The following CCSER1 variants were observed in gnomAD, a reference collection of about 807,000 sequenced individuals.
CCSER1 encodes the protein serine-rich coiled-coil domain-containing protein 1.
Under a neutral mutation model 82.0 loss-of-function variants are expected in CCSER1, and 41 were observed. The observed-to-expected ratio is 0.50, with a 90% CI of 0.39 to 0.65. CCSER1 has a LOEUF of 0.65. CCSER1 is among the 30% of genes least tolerant of loss of function. The pLI, the probability that CCSER1 is intolerant of heterozygous loss-of-function variation, is 0.00. For synonymous variants in CCSER1, 414 were observed against 383.9 expected, an observed-to-expected ratio of 1.08 and a Z score of -0.92; for missense variants, 1,119 against 1,064.2, an observed-to-expected ratio of 1.05 and a Z score of -0.72.
At chr4:91,435,598 G>A (rs1240427295) in intron 10 of CCSER1, among the ~76,000 whole-genome samples, 1 of 152,130 alleles carries the variant, frequency 6.6e-6, no homozygotes, top group African/African-American at 2.4e-5. Flanking sequence ...GCTTCTTAAA[G>A]CATGTGTAGT....
At chr4:90,284,663 T>C (rs1280648574) in intron 1 of CCSER1, among the ~76,000 whole-genome samples, 1 of 150,718 alleles carries the variant, frequency 6.6e-6, no homozygotes, top group African/African-American at 2.4e-5. Context: ...CTGCCTAATT[T>C]TTGTATTTTT....
At chr4:90,568,362 A>G (rs918951515) in intron 5 of CCSER1, among the ~76,000 whole-genome samples, 7 of 152,184 alleles carry the variant, frequency 4.6e-5, no homozygotes, top group Non-Finnish European at 1.0e-4. Flanking sequence ...GGGTGCATAT[A>G]TATAATTCTT....
At chr4:90,537,239 A>G (rs1229821280) in intron 5 of CCSER1, among the ~76,000 whole-genome samples, 1 of 152,142 alleles carries the variant, frequency 6.6e-6, no homozygotes. Flanking sequence ...CATCAAGTTA[A>G]TATTTTATAA....
At chr4:91,413,218 A>T (rs1753167887) in intron 10 of CCSER1, among the ~76,000 whole-genome samples, 1 of 152,094 alleles carries the variant, frequency 6.6e-6, no homozygotes, top group Non-Finnish European at 1.5e-5. Flanking sequence ...ATAGGCATGA[A>T]GATAGCTTAA....
At chr4:90,822,667 G>T (rs1273397734) in intron 8 of CCSER1, among the ~76,000 whole-genome samples, 1 of 146,846 alleles carries the variant, frequency 6.8e-6, no homozygotes, top group African/African-American at 2.5e-5. Flanking sequence ...GGCGGAGGCT[G>T]CAGTGAGCTG....
At chr4:90,273,439 A>G (rs1296426055) in intron 1 of CCSER1, among the ~76,000 whole-genome samples, 1 of 152,172 alleles carries the variant, frequency 6.6e-6, no homozygotes, top group Non-Finnish European at 1.5e-5. Context: ...ATTATTATAC[A>G]TTGTATGCCT....
Position 91,532,871 on chromosome 4 carries a change from T to TAA in CCSER1, c.2218-65688_2218-65687dup, listed in dbSNP as rs200914112. Among the ~76,000 whole-genome samples the TAA allele has an allele frequency of 1.8e-3, 246 of 138,174 alleles. 3 individuals carry two copies. The highest frequency in any genetic ancestry group is 6.1e-3 in the African/African-American group (229 of 37,850). 90.6% of individuals were successfully genotyped at this position (138,174 alleles called of 152,430 possible). ...GATGACAGAATGAAACCCTGTCTCA[T>TAA]AAAAAAAAAAAAAAGTTATGCTTTC... is the stretch of plus-strand genomic sequence containing the variant. On this transcript the variant is annotated intron_variant, in intron 10 of 10. Transcript: ENST00000509176.
At chr4:90,862,945 T>TATC (rs1765279197) in intron 8 of CCSER1, among the ~76,000 whole-genome samples, 2 of 150,316 alleles carry the variant, frequency 1.3e-5, no homozygotes, top group Non-Finnish European at 3.0e-5. Flanking sequence ...TTCTTTTTAT[T>TATC]ATTATTATTA....
chr4:91,450,108 G>C (rs911911132), intron 10 of CCSER1, among the ~76,000 whole-genome samples: 1 of 49,678 alleles, frequency 2.0e-5, no homozygotes, highest in African/African-American at 1.1e-4. Flanking sequence ...CCTCACAATG[G>C]CTGGAGATTT....
chr4:90,505,682 T>C (rs79156752), intron 5 of CCSER1, among the ~76,000 whole-genome samples: 1,781 of 152,318 alleles, frequency 0.012, 13 homozygotes, highest in South Asian at 0.022. Context: ...CAGAGTAACT[T>C]CTGGATGTTG....
chr4:91,180,690 A>C (rs1161266732), intron 10 of CCSER1, among the ~76,000 whole-genome samples: 1 of 152,080 alleles, frequency 6.6e-6, no homozygotes, highest in Non-Finnish European at 1.5e-5. Flanking sequence ...GTGTGCTGAG[A>C]GGAGCTCAGT....
At chr4:90,826,485 A>T (rs1760469274) in intron 8 of CCSER1, among the ~76,000 whole-genome samples, 1 of 152,206 alleles carries the variant, frequency 6.6e-6, no homozygotes, top group African/African-American at 2.4e-5. Context: ...CATAATTTTA[A>T]TAACAACAGC....
intron 10 of CCSER1, among the ~76,000 whole-genome samples, chr4:91,106,968 G>C (rs1725678044): frequency 6.6e-6 from 1 of 152,104 alleles, no homozygotes; most frequent in South Asian, 2.1e-4. Context: ...AGATGACAGT[G>C]GTTTCATAAG....
intron 10 of CCSER1, among the ~76,000 whole-genome samples, chr4:91,428,018 T>A (rs180796537): frequency 2.6e-5 from 4 of 152,064 alleles, no homozygotes; most frequent in African/African-American, 9.7e-5. Context: ...GATTCTACAC[T>A]CATTTTCAAT....
At chr4:91,549,835 A>AC in intron 10 of CCSER1, among the ~76,000 whole-genome samples, 1 of 132,810 alleles carries the variant, frequency 7.5e-6, no homozygotes, top group South Asian at 2.3e-4. Flanking sequence ...ACCCTGTCTC[A>AC]AAAAAATAAA....
intron 10 of CCSER1, among the ~76,000 whole-genome samples, chr4:91,255,518 A>G (rs967399129): frequency 2.0e-5 from 3 of 152,190 alleles, no homozygotes; most frequent in African/African-American, 7.2e-5. Flanking sequence ...ACAAAAACTG[A>G]GTTCATGAGA....
chr4:91,043,495 G>T (rs925451115), intron 9 of CCSER1, among the ~76,000 whole-genome samples: 1 of 150,888 alleles, frequency 6.6e-6, no homozygotes, highest in African/African-American at 2.4e-5. Context: ...TTTTAAATTT[G>T]CAGAAAGTAA....
chr4:91,448,805 A>G (rs1755714526), intron 10 of CCSER1, among the ~76,000 whole-genome samples: 1 of 152,136 alleles, frequency 6.6e-6, no homozygotes, highest in South Asian at 2.1e-4. Context: ...TGGTAATACA[A>G]CAGGGGAAAA....
chr4:90,815,970 G>C (rs1369208315), intron 8 of CCSER1, 125 bp downstream of exon 8: 1 of 549,920 alleles, frequency 1.8e-6, no homozygotes, highest in Non-Finnish European at 3.2e-6. Flanking sequence ...TCAATCCAAT[G>C]ATCAGTTTTT....
Sources: allele counts gnomAD v4.1 joint callset (sites outside exome capture counted in the v4.1 genomes callset), GRCh38; gene constraint gnomAD v4.1.1; transcripts MANE v1.5; gene names NCBI Gene and HGNC (gene_info 2026-07-23, HGNC 2026-07-21).